Variants in TMEM154 observed in about 807,000 individuals in gnomAD.
TMEM154 encodes transmembrane protein 154.
In TMEM154, 27 loss-of-function variants were observed where a neutral mutation model predicts 24.5. The ratio of observed to expected loss-of-function variants is 1.10; its 90% CI spans 0.81 to 1.52. TMEM154 has a LOEUF of 1.52. Among genes scored for constraint, TMEM154 ranks in the 40% most tolerant of loss-of-function variants. TMEM154 has a pLI of 0.00. For synonymous variants in TMEM154, 67 were observed against 76.8 expected (o/e 0.87, Z 0.67); for missense variants, 228 against 213.4 (o/e 1.07, Z -0.43).
intron 1 of TMEM154, among the ~76,000 whole-genome samples, chr4:152,675,322 A>G (rs1728930844): frequency 6.6e-6 from 1 of 152,066 alleles, no homozygotes; most frequent in South Asian, 2.1e-4. Flanking sequence ...CCAAAGCACA[A>G]TGTGTATAAA....
rs141760629 is a variant in TMEM154, at chr4:152,677,599, T to A, written c.64+2271A>T. Reference sequence around the variant, plus strand: ...GATGAATCATCTCAAAGTCATAGCTTTTATTCAACAGCTTTTTGCAAGTGG... The same window carrying A: ...GATGAATCATCTCAAAGTCATAGCTATTATTCAACAGCTTTTTGCAAGTGG... On this transcript the variant is annotated intron_variant, in intron 1 of 6. Transcript: ENST00000304385. Among the ~76,000 whole-genome samples the A allele has an allele frequency of 4.5e-3, 678 of 152,340 alleles. 2 individuals carry two copies. The highest frequency in any genetic ancestry group is 0.015 in the African/African-American group (626 of 41,572).
At chr4:152,653,442 C>T (rs553658727) in intron 1 of TMEM154, among the ~76,000 whole-genome samples, 4 of 145,110 alleles carry the variant, frequency 2.8e-5, no homozygotes, top group South Asian at 4.3e-4. Flanking sequence ...CAGGCTGGAG[C>T]GTAGTGGCAT....
At position 152,619,543 on chromosome 4, in the gene TMEM154, G is replaced by A. The variant is rs1751813848; in HGVS notation, c.*9003C>T. ...CTTTGTAACTGTCTCAAACAATAAA[G>A]TATGGCAGAAGTGATGTGATGTGAT... On this transcript the variant is annotated 3_prime_UTR_variant, in exon 7 of 7. Coordinates refer to ENST00000304385, the MANE Select transcript of TMEM154 (RefSeq NM_152680.3). 6.6e-6 allele frequency: 1 copy of A among 152,154 alleles called. No homozygotes were observed. Among genetic ancestry groups the A allele is most frequent in the South Asian group, 2.1e-4 (1 of 4,830 alleles). 9.4% of individuals were successfully genotyped at this position (152,154 alleles called of 1,614,324 possible). A position where few individuals can be genotyped will look rare whatever the true frequency, so the allele number is the denominator to read the frequency against.
At position 152,621,546 on chromosome 4, in the gene TMEM154, C is replaced by G. The variant is rs1751844041; in HGVS notation, c.*7000G>C. 1.3e-5 allele frequency: 2 copies of G among 152,108 alleles called. No individual in the cohort carries two copies. The highest frequency in any genetic ancestry group is 2.9e-5 in the Non-Finnish European group (2 of 68,020). The allele number at this position is 152,108 out of a possible 1,614,324, so 9.4% of individuals were successfully genotyped here. A position where few individuals can be genotyped will look rare whatever the true frequency, so the allele number is the denominator to read the frequency against. ...ATCAGTTTCTAGGGGTAGATTGATG[C>G]CATAATGGACCAGGTTTAACTTTAG... On this transcript the variant is annotated 3_prime_UTR_variant, in exon 7 of 7. Coordinates refer to ENST00000304385, the MANE Select transcript of TMEM154 (RefSeq NM_152680.3).
rs72960609 is a variant in TMEM154 at position 152,649,640 on chromosome 4, C to A, written c.364+2898G>T. On this transcript the variant is annotated intron_variant, in intron 3 of 6. Transcript: ENST00000304385. ...AAGAATGCTCTTCTGGTGGTGATGA[C>A]CCCAAGGCCTCTAGCCTTCCCATCC... Among the ~76,000 whole-genome samples, 666 of 152,262 alleles carry A rather than the reference C, an allele frequency of 4.4e-3. 4 individuals are homozygous for A. Among genetic ancestry groups the A allele is most frequent in the African/African-American group, 0.014 (585 of 41,534 alleles).
In TMEM154 at chr4:152,639,530, C is replaced by T. The variant is rs151291747; in HGVS notation, c.536+1398G>A. 5.3e-5 allele frequency among the ~76,000 whole-genome samples: 8 copies of T among 152,042 alleles called. 1 individual carries two copies. In the East Asian group the frequency reaches 1.5e-3, roughly 29 times the overall value. ...GAAAATATTCCTTTGTAATATTCCC[C>T]CTGGCATTGTTGTTTTCTTCCACCT... On this transcript the variant is annotated intron_variant, in intron 6 of 6. Transcript: ENST00000304385.
At chr4:152,661,321 TC>T (rs1728603741) in intron 1 of TMEM154, among the ~76,000 whole-genome samples, 4 of 143,002 alleles carry the variant, frequency 2.8e-5, no homozygotes, top group African/African-American at 1.1e-4. Flanking sequence ...TCTCTCTCTC[TC>T]TCTCTCTCTC....
rs1160309378 is a variant in TMEM154 at position 152,620,014 on chromosome 4, C to G, written c.*8532G>C. The G allele has an allele frequency of 6.6e-6, 1 of 152,302 alleles. No individual in the cohort carries two copies. Among genetic ancestry groups the G allele is most frequent in the Admixed American group, 6.5e-5 (1 of 15,282 alleles). 9.4% of individuals were successfully genotyped at this position (152,302 alleles called of 1,614,324 possible). A position where few individuals can be genotyped will look rare whatever the true frequency, so the allele number is the denominator to read the frequency against. The stretch of plus-strand genomic sequence containing the variant: ...ACTGGATGCCTCCAGGGGTGGGCCA[C>G]TTGAGCTCAGGCTGAATCCCAAGCA... On this transcript the variant is annotated 3_prime_UTR_variant, in exon 7 of 7. Transcript: ENST00000304385.
chr4:152,679,817 C>G, intron 1 of TMEM154, 53 bp downstream of exon 1: 13 of 1,575,856 alleles, frequency 8.2e-6, no homozygotes, highest in Non-Finnish European at 1.0e-5. Context: ...CTCGGGCACC[C>G]TACCAGCTTT....
At chr4:152,671,439 T>C (rs566923439) in intron 1 of TMEM154, among the ~76,000 whole-genome samples, 31 of 152,074 alleles carry the variant, frequency 2.0e-4, no homozygotes, top group Non-Finnish European at 3.7e-4. Context: ...GCAAGAAGAC[T>C]GGTTAAGAAG....
chr4:152,650,313 C>T (rs1274133192), intron 3 of TMEM154, among the ~76,000 whole-genome samples: 2 of 152,172 alleles, frequency 1.3e-5, no homozygotes, highest in Admixed American at 1.3e-4. Context: ...TATTCTAAAT[C>T]CTCTGTTGTC....
At chr4:152,644,606 A>G (rs910460002) in intron 3 of TMEM154, among the ~76,000 whole-genome samples, 164 bp from the exon 4 acceptor site, 1 of 152,236 alleles carries the variant, frequency 6.6e-6, no homozygotes, top group Admixed American at 6.5e-5. Flanking sequence ...GTGGATTGCC[A>G]TATTAAAACG....
At chr4:152,644,218 A>C (rs538724292) in intron 4 of TMEM154, among the ~76,000 whole-genome samples, 197 bp downstream of exon 4, 3 of 152,338 alleles carry the variant, frequency 2.0e-5, no homozygotes, top group Admixed American at 6.5e-5. Context: ...GTCTTTGCCC[A>C]GATCACACTC....
chr4:152,639,805 C>G (rs1305851298), intron 6 of TMEM154: 1 of 152,922 alleles, frequency 6.5e-6, no homozygotes, highest in East Asian at 1.9e-4. Flanking sequence ...AGGATAGAAT[C>G]CTTCCTGAAC....
intron 6 of TMEM154, among the ~76,000 whole-genome samples, chr4:152,633,844 C>T (rs905174959): frequency 2.0e-5 from 3 of 151,666 alleles, no homozygotes; most frequent in Non-Finnish European, 4.4e-5. Flanking sequence ...CATGGTGGCT[C>T]GTGTCAGTAG....
chr4:152,635,434 CTCTGAGT>C (rs1158833690), intron 6 of TMEM154, among the ~76,000 whole-genome samples: 1 of 152,246 alleles, frequency 6.6e-6, no homozygotes, highest in Non-Finnish European at 1.5e-5. Context: ...CACTTAACCT[CTCTGAGT>C]TCTAAGTTTA....
At position 152,664,380 on chromosome 4, in the gene TMEM154, G is replaced by A. The variant is rs57361794; in HGVS notation, c.65-11453C>T. ...CACACACTGGGGCCTGTCGTGGCGG[G>A]GGGGTACAAGGGGAGGGAGAGCATT... On this transcript the variant is annotated intron_variant, in intron 1 of 6. Transcript: ENST00000304385. 1.5e-3 allele frequency among the ~76,000 whole-genome samples: 229 copies of A among 151,846 alleles called. 1 individual carries two copies. The highest frequency in any genetic ancestry group is 3.3e-3 in the South Asian group (16 of 4,818).
chr4:152,637,743 A>G, intron 6 of TMEM154, among the ~76,000 whole-genome samples: 1 of 152,242 alleles, frequency 6.6e-6, no homozygotes, highest in East Asian at 1.9e-4. Flanking sequence ...TGAGTCTTCT[A>G]AGTCCAATGA....
At position 152,646,887 on chromosome 4, in the gene TMEM154, T is replaced by C; in HGVS notation, c.365-2445A>G. Reference sequence around the variant, plus strand: ...TTTACTGAGTAAGCCAGGCATCATGTAGCCACAGCCTGTTTAAAGGGGTAG... The same window carrying C: ...TTTACTGAGTAAGCCAGGCATCATGCAGCCACAGCCTGTTTAAAGGGGTAG... On this transcript the variant is annotated intron_variant, in intron 3 of 6. Transcript: ENST00000304385. 6 of 698,596 alleles carry C rather than the reference T, an allele frequency of 8.6e-6. No individual in the cohort carries two copies. The South Asian group carries it at 8.9e-5, about 10-fold the overall frequency. 43.3% of individuals were successfully genotyped at this position (698,596 alleles called of 1,614,324 possible).
Sources: allele counts gnomAD v4.1 joint callset (sites outside exome capture counted in the v4.1 genomes callset), GRCh38; gene constraint gnomAD v4.1.1; transcripts MANE v1.5; gene names NCBI Gene and HGNC (gene_info 2026-07-23, HGNC 2026-07-21).